The following ZNF385D variants were observed in gnomAD, a reference collection of about 807,000 sequenced individuals.
The protein encoded by ZNF385D is zinc finger protein 659.
In ZNF385D, 15 loss-of-function variants were observed where a neutral mutation model predicts 35.8. The ratio of observed to expected loss-of-function variants is 0.42; its 90% CI spans 0.28 to 0.64. The LOEUF is 0.64. Among genes scored for constraint, ZNF385D ranks in the 30% least tolerant of loss-of-function variants. The pLI is 0.23. For synonymous variants in ZNF385D, 212 were observed against 186.8 expected, an observed-to-expected ratio of 1.13 and a Z score of -1.10; for missense variants, 474 against 494.6, an observed-to-expected ratio of 0.96 and a Z score of 0.39.
At chr3:21,945,745 A>G (rs567181763) in intron 3 of ZNF385D, among the ~76,000 whole-genome samples, 8 of 152,300 alleles carry the variant, frequency 5.3e-5, no homozygotes, top group African/African-American at 1.9e-4. Context: ...GTTAACCTAC[A>G]TTGTGGAATT....
chr3:21,826,515 A>G (rs569536799), intron 3 of ZNF385D, among the ~76,000 whole-genome samples: 1 of 152,184 alleles, frequency 6.6e-6, no homozygotes, highest in South Asian at 2.1e-4. Flanking sequence ...GGAGAAGAAG[A>G]GGTTCAGGAA....
At chr3:22,130,882 C>A (rs1249484007) in intron 3 of ZNF385D, among the ~76,000 whole-genome samples, 1 of 152,038 alleles carries the variant, frequency 6.6e-6, no homozygotes, top group Non-Finnish European at 1.5e-5. Flanking sequence ...TTCTGTTTGG[C>A]CATCTTGCAT....
chr3:21,497,635 G>A (rs944977975), intron 4 of ZNF385D, among the ~76,000 whole-genome samples: 1 of 152,072 alleles, frequency 6.6e-6, no homozygotes, highest in East Asian at 1.9e-4. Context: ...ATTCACTTGA[G>A]GCCAGGTGTT....
At chr3:21,523,717 T>C (rs1708052527) in intron 3 of ZNF385D, among the ~76,000 whole-genome samples, 1 of 152,074 alleles carries the variant, frequency 6.6e-6, no homozygotes, top group Non-Finnish European at 1.5e-5. Context: ...ACAAAGTTTG[T>C]AGGTTCATTT....
chr3:21,835,806 C>T (rs1559673905), intron 3 of ZNF385D, among the ~76,000 whole-genome samples: 1 of 152,032 alleles, frequency 6.6e-6, no homozygotes, highest in Non-Finnish European at 1.5e-5. Context: ...CTAGGCCTAC[C>T]AATAATTGTC....
At chr3:21,782,329 G>C (rs1438439811) in intron 3 of ZNF385D, among the ~76,000 whole-genome samples, 1 of 152,050 alleles carries the variant, frequency 6.6e-6, no homozygotes, top group Non-Finnish European at 1.5e-5. Context: ...AGAACTGAGG[G>C]AAATGACCTG....
intron 2 of ZNF385D, among the ~76,000 whole-genome samples, chr3:22,218,133 A>G (rs908417046): frequency 6.6e-5 from 10 of 152,110 alleles, no homozygotes; most frequent in African/African-American, 2.4e-4. Context: ...TTCCACAGCT[A>G]TCTCGTAGGA....
chr3:22,174,025 AACACACACAC>A (rs10569895), intron 2 of ZNF385D, among the ~76,000 whole-genome samples: 7 of 149,868 alleles, frequency 4.7e-5, no homozygotes, highest in African/African-American at 9.8e-5. Flanking sequence ...TTTACACACA[AACACACACAC>A]ACACACACAC....
intron 3 of ZNF385D, among the ~76,000 whole-genome samples, chr3:22,165,103 T>C (rs1422867498): frequency 6.6e-6 from 1 of 152,188 alleles, no homozygotes; most frequent in Non-Finnish European, 1.5e-5. Flanking sequence ...ACACATTTTG[T>C]AAACCCACAG....
intron 1 of ZNF385D, among the ~76,000 whole-genome samples, chr3:21,723,802 C>G (rs2068641460): frequency 6.6e-6 from 1 of 152,028 alleles, no homozygotes; most frequent in Non-Finnish European, 1.5e-5. Context: ...ACAGAGAACA[C>G]CACGAAGATA....
intron 4 of ZNF385D, among the ~76,000 whole-genome samples, chr3:21,505,287 G>A (rs546126989): frequency 2.0e-5 from 3 of 152,150 alleles, no homozygotes; most frequent in African/African-American, 7.2e-5. Flanking sequence ...GAGAAGGACA[G>A]GGCAAGAGAA....
intron 3 of ZNF385D, chr3:21,979,702 G>T (rs1694308947): frequency 1.3e-5 from 2 of 152,170 alleles, no homozygotes; most frequent in Admixed American, 1.3e-4. Flanking sequence ...GCTGAAAAAA[G>T]AAAGAGAGAA....
At chr3:22,215,314 C>T (rs901737734) in intron 2 of ZNF385D, among the ~76,000 whole-genome samples, 1 of 151,986 alleles carries the variant, frequency 6.6e-6, no homozygotes, top group African/African-American at 2.4e-5. Flanking sequence ...CGCTGGTGAG[C>T]CAGGCAGAAC....
chr3:21,584,900 T>C (rs1013957056), intron 2 of ZNF385D, among the ~76,000 whole-genome samples: 6 of 152,194 alleles, frequency 3.9e-5, no homozygotes, highest in East Asian at 1.9e-4. Flanking sequence ...TCTAGAAATA[T>C]TTAAAGCTTT....
In ZNF385D at chr3:21,750,979, C is replaced by T; in HGVS notation, c.-63G>A. ...CATCAGCTCTCACCCAAGGCTGGCA[C>T]GTAGAGCAGAGCCCTTTCATGCTAC... is the stretch of plus-strand genomic sequence containing the variant. On this transcript the variant is annotated 5_prime_UTR_variant, in exon 1 of 8. It adds an upstream start codon to the 5' untranslated region. Coordinates refer to ENST00000281523, the MANE Select transcript of ZNF385D (RefSeq NM_024697.3). 1 of 1,613,380 alleles carries T rather than the reference C, an allele frequency of 6.2e-7. No individual in the cohort carries two copies. Among genetic ancestry groups the T allele is most frequent in the Middle Eastern group, 1.7e-4 (1 of 5,716 alleles).
At chr3:21,532,857 T>A in intron 3 of ZNF385D, among the ~76,000 whole-genome samples, 1 of 152,124 alleles carries the variant, frequency 6.6e-6, no homozygotes, top group East Asian at 1.9e-4. Context: ...CTTAAGGTAG[T>A]AAATCAAAGC....
At chr3:21,826,345 T>C (rs1694625843) in intron 3 of ZNF385D, among the ~76,000 whole-genome samples, 1 of 152,184 alleles carries the variant, frequency 6.6e-6, no homozygotes. Flanking sequence ...CATAGAATAT[T>C]ACTTACGTTT....
At chr3:21,937,202 C>A (rs2125262950) in intron 3 of ZNF385D, among the ~76,000 whole-genome samples, 1 of 150,322 alleles carries the variant, frequency 6.7e-6, no homozygotes, top group South Asian at 2.1e-4. Context: ...ATTTTTTTTT[C>A]ACAGATGAAA....
intron 2 of ZNF385D, among the ~76,000 whole-genome samples, chr3:22,331,114 A>G (rs1694914849): frequency 6.6e-6 from 1 of 152,236 alleles, no homozygotes; most frequent in South Asian, 2.1e-4. Flanking sequence ...TAAATTTACC[A>G]TAAATTGATT....
Sources: allele counts gnomAD v4.1 joint callset (sites outside exome capture counted in the v4.1 genomes callset), GRCh38; gene constraint gnomAD v4.1.1; transcripts MANE v1.5; gene names NCBI Gene and HGNC (gene_info 2026-07-23, HGNC 2026-07-21).